TSGA10: variants seen among roughly 807,000 people sequenced by gnomAD.
The protein encoded by TSGA10 is testis specific 10, also known as testis-specific gene 10 protein.
A neutral mutation model predicts 96.6 loss-of-function variants in TSGA10; 43 were observed. The observed-to-expected ratio is 0.44, with a 90% CI of 0.35 to 0.57. The LOEUF is 0.57. Ranked by LOEUF, TSGA10 falls within the 20% of genes least tolerant of loss-of-function variation. TSGA10 has a pLI of 0.01. For synonymous variants in TSGA10, 229 were observed against 269.9 expected, an observed-to-expected ratio of 0.85 and a Z score of 1.48; for missense variants, 703 against 834.4, an observed-to-expected ratio of 0.84 and a Z score of 1.94.
At position 99,060,306 on chromosome 2, in the gene TSGA10, A is replaced by G. The variant is rs1205922636; in HGVS notation, c.1404+4633T>C. Among the ~76,000 whole-genome samples, 4 of 152,330 alleles carry G rather than the reference A, an allele frequency of 2.6e-5. No homozygotes were observed. The East Asian group carries it at 7.7e-4, about 29-fold the overall frequency. On this transcript the variant is annotated intron_variant, in intron 16 of 20. Transcript: ENST00000393483. ...TCAAGAATAAAATATCATTTTTACA[A>G]TGGCATTGTAAAGACTGAGATATTC...
At chr2:99,045,217 C>G (rs1031477702) in intron 16 of TSGA10, among the ~76,000 whole-genome samples, 3 of 151,896 alleles carry the variant, frequency 2.0e-5, no homozygotes, top group Non-Finnish European at 4.4e-5. Flanking sequence ...ACAAAAAACC[C>G]TTCAAAAAAT....
intron 17 of TSGA10, among the ~76,000 whole-genome samples, chr2:99,023,996 T>C (rs2080294973): frequency 6.6e-6 from 1 of 152,218 alleles, no homozygotes; most frequent in South Asian, 2.1e-4. Context: ...TTAACAATGA[T>C]AAGTGTTCTG....
rs56381088 is a variant in TSGA10, at chr2:99,022,324, C to CAA, written c.1615-1844_1615-1843dup. Reference sequence around the variant, plus strand: ...TCGGCCACTGAAGGAGACCCTGTCTCAAAAAAAAAAAAAAAAAAAAAAAAA... The same window carrying CAA: ...TCGGCCACTGAAGGAGACCCTGTCTCAAAAAAAAAAAAAAAAAAAAAAAAAAA... On this transcript the variant is annotated intron_variant, in intron 17 of 20. Coordinates refer to ENST00000393483, the MANE Select transcript of TSGA10 (RefSeq NM_025244.4). Among the ~76,000 whole-genome samples the CAA allele has an allele frequency of 1.6e-3, 72 of 43,886 alleles. 1 individual carries two copies. Among genetic ancestry groups the CAA allele is most frequent in the South Asian group, 0.012 (11 of 942 alleles). The allele number at this position is 43,886 out of a possible 152,430, so 28.8% of individuals were successfully genotyped here.
chr2:99,018,380 A>G (rs1303068109), intron 19 of TSGA10, 31 bp from the exon 20 acceptor site: 1 of 1,604,910 alleles, frequency 6.2e-7, no homozygotes, highest in Non-Finnish European at 8.5e-7. Flanking sequence ...TTTAAATTTT[A>G]TATCCAGCAA....
chr2:99,115,061 T>C (rs1300556391), intron 4 of TSGA10, among the ~76,000 whole-genome samples: 1 of 152,132 alleles, frequency 6.6e-6, no homozygotes, highest in East Asian at 1.9e-4. Flanking sequence ...GCCTCCCAAG[T>C]AGCTGGGATT....
chr2:99,066,699 C>T (rs537409523), intron 15 of TSGA10, among the ~76,000 whole-genome samples: 41 of 152,228 alleles, frequency 2.7e-4, no homozygotes, highest in African/African-American at 9.6e-4. Flanking sequence ...CATATCCTCC[C>T]ATAGAGGCCA....
At chr2:99,148,123 T>C (rs541991008) in intron 1 of TSGA10, 17 of 152,360 alleles carry the variant, frequency 1.1e-4, no homozygotes, top group African/African-American at 4.1e-4. Flanking sequence ...GTGTCTTTCA[T>C]AACATTGACA....
At chr2:99,024,085 G>A (rs2080305823) in intron 17 of TSGA10, among the ~76,000 whole-genome samples, 1 of 146,396 alleles carries the variant, frequency 6.8e-6, no homozygotes, top group Non-Finnish European at 1.5e-5. Flanking sequence ...GTTTTGTAAA[G>A]TACAAGTATT....
intron 9 of TSGA10, among the ~76,000 whole-genome samples, 166 bp from the exon 10 acceptor site, chr2:99,104,284 G>C (rs978507835): frequency 2.0e-5 from 3 of 152,190 alleles, no homozygotes; most frequent in Non-Finnish European, 4.4e-5. Flanking sequence ...AAGGTGTTGT[G>C]AAGTAGGACC....
intron 1 of TSGA10, among the ~76,000 whole-genome samples, chr2:99,130,481 T>C (rs896284628): frequency 1.3e-5 from 2 of 152,216 alleles, no homozygotes; most frequent in African/African-American, 4.8e-5. Flanking sequence ...CGTCTGTTTT[T>C]TTCTTGTAAA....
At chr2:99,131,253 T>G (rs191633882) in intron 1 of TSGA10, among the ~76,000 whole-genome samples, 5 of 152,336 alleles carry the variant, frequency 3.3e-5, no homozygotes, top group Admixed American at 6.5e-5. Context: ...TTCTGATCCA[T>G]GAGCATGGAA....
chr2:99,019,865 G>T (rs541769102), intron 18 of TSGA10, among the ~76,000 whole-genome samples: 165 of 152,308 alleles, frequency 1.1e-3, no homozygotes, highest in Non-Finnish European at 2.0e-3. Context: ...TCTGTATTTT[G>T]TGAATGCAGG....
intron 1 of TSGA10, among the ~76,000 whole-genome samples, chr2:99,129,801 T>C (rs528595898): frequency 1.2e-4 from 18 of 152,296 alleles, no homozygotes; most frequent in African/African-American, 4.3e-4. Flanking sequence ...CCCAACTCCC[T>C]GACAGGCCCT....
intron 1 of TSGA10, chr2:99,154,190 G>A (rs896855860): frequency 1.3e-5 from 2 of 152,292 alleles, no homozygotes; most frequent in Non-Finnish European, 2.9e-5. Flanking sequence ...AATATGCCCA[G>A]GAGAAACTAG....
chr2:99,033,703 G>T (rs1046017722), intron 17 of TSGA10, among the ~76,000 whole-genome samples: 10 of 152,084 alleles, frequency 6.6e-5, no homozygotes, highest in Non-Finnish European at 4.4e-5. Flanking sequence ...AGCCAGGTGT[G>T]GTGGTGGGCA....
At chr2:99,137,979 G>C (rs4850896) in intron 1 of TSGA10, among the ~76,000 whole-genome samples, 126,396 of 151,886 alleles carry the variant, frequency 0.83, 53,212 homozygotes, top group East Asian at 0.97. Context: ...TATGAGGACA[G>C]AGTCTGAAGG....
At chr2:99,144,369 GA>G (rs2093610281) in intron 1 of TSGA10, among the ~76,000 whole-genome samples, 1 of 151,872 alleles carries the variant, frequency 6.6e-6, no homozygotes, top group Admixed American at 6.6e-5. Context: ...GCCGAGGCCT[GA>G]AAGTTCCAGG....
chr2:99,130,849 A>G (rs902300501), intron 1 of TSGA10, among the ~76,000 whole-genome samples: 1 of 152,212 alleles, frequency 6.6e-6, no homozygotes, highest in African/African-American at 2.4e-5. Flanking sequence ...ATGGCTAGCC[A>G]GTTTTCCCAA....
chr2:99,075,616 G>C (rs1187721497), intron 12 of TSGA10, among the ~76,000 whole-genome samples: 1 of 152,132 alleles, frequency 6.6e-6, no homozygotes, highest in African/African-American at 2.4e-5. Flanking sequence ...TATCATTATA[G>C]AGAACATTTC....
Sources: gnomAD v4.1 joint callset for allele counts (sites outside exome capture counted in the v4.1 genomes callset) on GRCh38, gnomAD v4.1.1 for gene constraint, MANE v1.5 for transcripts, NCBI Gene and HGNC (gene_info 2026-07-23, HGNC 2026-07-21) for gene names.